Variants in MARF1 observed in about 807,000 individuals in gnomAD.
MARF1 encodes the protein limkain-b1.
Under a neutral mutation model 168.2 loss-of-function variants are expected in MARF1, and 24 were observed. The observed-to-expected ratio is 0.14, with a 90% confidence interval of 0.10 to 0.20. The LOEUF (loss-of-function observed/expected upper bound fraction) is 0.20, where lower values mean the gene tolerates loss of function less well. Among genes scored for constraint, MARF1 ranks in the 10% least tolerant of loss-of-function variants. The pLI, the probability that MARF1 is intolerant of heterozygous loss-of-function variation, is 1.00. For synonymous variants in MARF1, 868 were observed against 822.4 expected, an observed-to-expected ratio of 1.06 and a Z score of -0.95; for missense variants, 1,744 against 2,143.6, an observed-to-expected ratio of 0.81 and a Z score of 3.68.
intron 2 of MARF1, among the ~76,000 whole-genome samples, chr16:15,637,640 T>C (rs1381711647): frequency 2.0e-5 from 3 of 152,166 alleles, no homozygotes; most frequent in Non-Finnish European, 2.9e-5. Flanking sequence ...ACTGACAAAA[T>C]TGAGTTTCAA....
chr16:15,637,130 T>C (rs1596507792), intron 2 of MARF1, among the ~76,000 whole-genome samples: 1 of 152,204 alleles, frequency 6.6e-6, no homozygotes, highest in Admixed American at 6.5e-5. Flanking sequence ...GGTAAGTTAC[T>C]TAACCTACAC....
intron 7 of MARF1, among the ~76,000 whole-genome samples, chr16:15,626,277 T>C (rs779716713): frequency 6.6e-6 from 1 of 152,228 alleles, no homozygotes; most frequent in Non-Finnish European, 1.5e-5. Context: ...TAAATTAGCA[T>C]AATAGATTTA....
chr16:15,617,384 A>G lies in MARF1; in HGVS notation c.2872T>C (p.Ser958Pro), dbSNP rs1325564810. Residue 958 changes from serine (S) to proline (P), a missense_variant, in exon 14 of 27, where the codon TCC becomes CCC. Ser to Pro is a moderately conservative substitution (Grantham distance 74). This residue lies in a region of MARF1 where 543 missense variants were observed against 742.1 expected (regional missense o/e 0.73). Coordinates refer to ENST00000396368, the MANE Select transcript of MARF1 (RefSeq NM_014647.4). ...LGSSQSHDGS[S>P]TNCSPIIFEE... ...AATATAATTGGGCTGCAATTCGTGGAGGAGCCGTCGTGTGACTGGGAAGAC... is the reference window on the plus strand; with the variant it reads ...AATATAATTGGGCTGCAATTCGTGGGGGAGCCGTCGTGTGACTGGGAAGAC... 1 of 1,614,184 alleles carries G rather than the reference A, an allele frequency of 6.2e-7. No homozygotes were observed. Among genetic ancestry groups the G allele is most frequent in the Admixed American group, 1.7e-5 (1 of 60,026 alleles).
At chr16:15,611,227 G>C in intron 18 of MARF1, 119 bp from the exon 19 acceptor site, 1 of 923,188 alleles carries the variant, frequency 1.1e-6, no homozygotes, top group East Asian at 2.5e-5. Flanking sequence ...GGGAGGCCGA[G>C]GTGGACGGAT....
At chr16:15,610,498 T>A (rs2033430669) in intron 19 of MARF1, 1 of 153,422 alleles carries the variant, frequency 6.5e-6, no homozygotes, top group African/African-American at 2.4e-5. Flanking sequence ...CCTCAAATAC[T>A]GTACTTTCTA....
chr16:15,616,193 G>A (rs1486953321), intron 15 of MARF1, among the ~76,000 whole-genome samples, 188 bp from the exon 16 acceptor site: 1 of 152,180 alleles, frequency 6.6e-6, no homozygotes, highest in Non-Finnish European at 1.5e-5. Flanking sequence ...CCTCTCTGAT[G>A]CATTCTGATG....
rs750564689 is a variant in MARF1, at chr16:15,635,890, G to C, written c.597C>G (p.Phe199Leu). 9.3e-6 allele frequency: 15 copies of C among 1,614,178 alleles called. No individual in the cohort carries two copies. Among genetic ancestry groups the C allele is most frequent in the Non-Finnish European group, 1.3e-5 (15 of 1,180,040 alleles). The change falls in exon 3 of 27, where the codon TTC (phenylalanine) becomes TTG (leucine). Residue 199 changes from phenylalanine (F) to leucine (L), a missense_variant. By Grantham distance (22) the Phe-to-Leu change is conservative. Coordinates refer to ENST00000396368, the MANE Select transcript of MARF1 (RefSeq NM_014647.4). The part of the protein sequence containing the change: ...KHLPCCGKLH[F>L]QSCHGNVHKL... The stretch of plus-strand genomic sequence containing the variant: ...TGTGCACATTACCATGACATGACTG[G>C]AAGTGGAGTTTTCCACAACAGGGCA...
chr16:15,636,526 A>G (rs573941529), intron 2 of MARF1, among the ~76,000 whole-genome samples, 184 bp from the exon 3 acceptor site: 2 of 152,340 alleles, frequency 1.3e-5, no homozygotes, highest in Admixed American at 1.3e-4. Flanking sequence ...GGTCTGCAGG[A>G]CATGAACACT....
chr16:15,635,401 G>C (rs761068176), intron 3 of MARF1: 5 of 503,784 alleles, frequency 9.9e-6, no homozygotes, highest in Non-Finnish European at 1.7e-5. Context: ...CGAAGGCTTT[G>C]CCAACCTCTT....
chr16:15,636,431 T>C (rs2035604577), intron 2 of MARF1, 89 bp from the exon 3 acceptor site: 4 of 893,502 alleles, frequency 4.5e-6, no homozygotes, highest in African/African-American at 1.7e-5. Flanking sequence ...CAAACAGAAA[T>C]AGTGTTCAAT....
At chr16:15,598,076 C>A (rs999749789) in intron 26 of MARF1, among the ~76,000 whole-genome samples, 16 of 152,180 alleles carry the variant, frequency 1.1e-4, no homozygotes, top group African/African-American at 3.9e-4. Context: ...TGGGTTCCAA[C>A]AGATGAAGAG....
intron 1 of MARF1, among the ~76,000 whole-genome samples, chr16:15,641,484 A>C (rs1307492924): frequency 1.3e-5 from 2 of 152,244 alleles, no homozygotes; most frequent in Non-Finnish European, 2.9e-5. Context: ...CCTGAAAGTG[A>C]GCTAACATTC....
intron 21 of MARF1, among the ~76,000 whole-genome samples, chr16:15,607,752 T>C (rs1220520057): frequency 6.6e-6 from 1 of 152,208 alleles, no homozygotes; most frequent in African/African-American, 2.4e-5. Context: ...GCAGCTGCTC[T>C]GCCTAGGACA....
intron 21 of MARF1, among the ~76,000 whole-genome samples, chr16:15,605,596 A>G (rs1333678106): frequency 6.6e-6 from 1 of 152,012 alleles, no homozygotes; most frequent in Non-Finnish European, 1.5e-5. Flanking sequence ...ACCAAACCAG[A>G]GCCTGCTCCT....
chr16:15,630,896 C>T (rs867528254), intron 6 of MARF1, among the ~76,000 whole-genome samples: 2 of 151,838 alleles, frequency 1.3e-5, no homozygotes, highest in Admixed American at 6.6e-5. Context: ...TTTGGGAGGC[C>T]GAGGAGGGTG....
chr16:15,609,961 T>C (rs2033372677), intron 19 of MARF1, among the ~76,000 whole-genome samples: 1 of 152,182 alleles, frequency 6.6e-6, no homozygotes, highest in Non-Finnish European at 1.5e-5. Context: ...AATTCATATA[T>C]ATTCATCTTA....
At position 15,635,842 on chromosome 16, in the gene MARF1, C is replaced by G; in HGVS notation, c.645G>C (p.Leu215=). 6.2e-7 allele frequency: 1 copy of G among 1,614,220 alleles called. No individual in the cohort carries two copies. Among genetic ancestry groups the G allele is most frequent in the Non-Finnish European group, 8.5e-7 (1 of 1,180,044 alleles). Residue 215 remains leucine (L), a synonymous_variant, in exon 3 of 27, where the codon CTG becomes CTC. Transcript: ENST00000396368. ...AATAGCCAGCGGAGGTGCAGCCCTG[C>G]AGACTCGGAAACTGATGCAGCTTGT... ...NVHKLHQFPS[L]QGCTSAGYFP... is the part of the protein sequence containing the mutation.
chr16:15,595,690 T>A lies in MARF1; in HGVS notation c.*1003A>T, dbSNP rs993842536. The A allele has an allele frequency of 6.6e-6, 1 of 152,150 alleles. No homozygotes were observed. The highest frequency in any genetic ancestry group is 2.4e-5 in the African/African-American group (1 of 41,432). 9.4% of individuals were successfully genotyped at this position (152,150 alleles called of 1,614,324 possible). On this transcript the variant is annotated 3_prime_UTR_variant, in exon 27 of 27. Transcript: ENST00000396368. ...CCAGCTACCGATACCAGCTTTAAAA[T>A]TACAATAACAAGGTTAAGTGGATCA...
chr16:15,637,190 G>A (rs1226109479), intron 2 of MARF1, among the ~76,000 whole-genome samples: 6 of 152,140 alleles, frequency 3.9e-5, no homozygotes, highest in Non-Finnish European at 8.8e-5. Context: ...TCCTAGAGTT[G>A]CTAGGAGGAT....
Sources: gnomAD v4.1 joint callset for allele counts (sites outside exome capture counted in the v4.1 genomes callset) on GRCh38, gnomAD v4.1.1 for gene constraint, gnomAD v4.1.1 regional missense constraint, MANE v1.5 for transcripts, NCBI Gene and HGNC (gene_info 2026-07-23, HGNC 2026-07-21) for gene names.